Variants in ASIC4 observed in about 807,000 individuals in gnomAD.
ASIC4 encodes the protein acid sensing ion channel subunit family member 4.
Under a neutral mutation model 53.4 loss-of-function variants are expected in ASIC4, and 28 were observed. The ratio of observed to expected loss-of-function variants is 0.52; its 90% CI spans 0.39 to 0.72. ASIC4 has a LOEUF of 0.72. Among genes scored for constraint, ASIC4 ranks in the 30% least tolerant of loss-of-function variants. ASIC4 has a pLI of 0.00. For synonymous variants in ASIC4, 289 were observed against 301.4 expected, an observed-to-expected ratio of 0.96 and a Z score of 0.43; for missense variants, 649 against 729.7, an observed-to-expected ratio of 0.89 and a Z score of 1.27.
intron 1 of ASIC4, among the ~76,000 whole-genome samples, chr2:219,519,094 T>C (rs567257554): frequency 6.6e-6 from 1 of 152,268 alleles, no homozygotes; most frequent in Non-Finnish European, 1.5e-5. Flanking sequence ...TTAGTACAGA[T>C]GGGGTTTCAC....
At chr2:219,535,427 GTGTA>G (rs1695118982) in intron 6 of ASIC4, 103 bp downstream of exon 6, 8 of 1,325,498 alleles carry the variant, frequency 6.0e-6, no homozygotes, top group South Asian at 4.4e-5. Context: ...GAGTGTATGT[GTGTA>G]TGTGTTTGTG....
chr2:219,536,132 C>T lies in ASIC4; in HGVS notation c.1229+808C>T, dbSNP rs1052278572. ...CTCAAGTCACGTTCAGTGTCTCCACCTCCAGGGAAGTGCTTCCAGGTCCAA... is the reference window on the plus strand; with the variant it reads ...CTCAAGTCACGTTCAGTGTCTCCACTTCCAGGGAAGTGCTTCCAGGTCCAA... On this transcript the variant is annotated intron_variant, in intron 6 of 9. Transcript: ENST00000358078. This position sits in a 1 kb window ranked among gnomAD's most constrained non-coding sequence, Gnocchi z 4.6. Among the ~76,000 whole-genome samples the T allele has an allele frequency of 1.3e-5, 2 of 152,240 alleles. No homozygotes were observed. The highest frequency in any genetic ancestry group is 2.9e-5 in the Non-Finnish European group (2 of 68,046).
chr2:219,507,643 G>A, the ASIC4 span, among the ~76,000 whole-genome samples: 1 of 152,152 alleles, frequency 6.6e-6, no homozygotes, highest in Non-Finnish European at 1.5e-5. Flanking sequence ...CATCTCTCAT[G>A]TTTGCCCATG....
intron 1 of ASIC4, among the ~76,000 whole-genome samples, chr2:219,519,157 G>A (rs939692557): frequency 6.6e-6 from 1 of 152,196 alleles, no homozygotes; most frequent in Non-Finnish European, 1.5e-5. Context: ...GCCCGCCTTG[G>A]CCTCCCAAAG....
chr2:219,529,365 G>C (rs1481608179), intron 1 of ASIC4, among the ~76,000 whole-genome samples: 1 of 152,174 alleles, frequency 6.6e-6, no homozygotes, highest in Non-Finnish European at 1.5e-5. Context: ...AGGTGTGTGG[G>C]GGATGTTGAG....
chr2:219,525,551 T>G (rs1694948523), intron 1 of ASIC4, among the ~76,000 whole-genome samples: 1 of 152,248 alleles, frequency 6.6e-6, no homozygotes, highest in Non-Finnish European at 1.5e-5. Flanking sequence ...CTAGGCTTGT[T>G]TCTGCCTTTG....
chr2:219,525,464 T>C (rs1022126097), intron 1 of ASIC4, among the ~76,000 whole-genome samples: 1 of 152,230 alleles, frequency 6.6e-6, no homozygotes, highest in African/African-American at 2.4e-5. Flanking sequence ...GGAGGTGATG[T>C]TGGCCCGTGA....
chr2:219,514,613 GA>G lies in ASIC4; in HGVS notation c.-111del, dbSNP rs1694751141. 1.2e-6 allele frequency: 2 copies of G among 1,606,214 alleles called. No individual in the cohort carries two copies. Among genetic ancestry groups the G allele is most frequent in the Non-Finnish European group, 1.7e-6 (2 of 1,176,498 alleles). On this transcript the variant is annotated 5_prime_UTR_variant, in exon 1 of 10. Transcript: ENST00000358078. ...TCCCTGTCCTCTTCCCGCTTGCCCT[GA>G]GTTTAGAAGAGCAGCCGCTGCCACC...
chr2:219,515,507 A>G (rs1574486237), intron 1 of ASIC4, among the ~76,000 whole-genome samples: 1 of 152,180 alleles, frequency 6.6e-6, no homozygotes, highest in South Asian at 2.1e-4. Flanking sequence ...ATAGGGGCTT[A>G]CCCTGGGGCG....
Position 219,518,733 on chromosome 2 carries a change from ACT to A in ASIC4, c.582+3430_582+3431del, listed in dbSNP as rs1694837935. Among the ~76,000 whole-genome samples, 1 of 151,626 alleles carries A rather than the reference ACT, an allele frequency of 6.6e-6. No individual in the cohort carries two copies. Among genetic ancestry groups the A allele is most frequent in the African/African-American group, 2.4e-5 (1 of 41,214 alleles). On this transcript the variant is annotated intron_variant, in intron 1 of 9. Transcript: ENST00000358078. The surrounding 1 kb of genome is among the most constrained non-coding windows in gnomAD (Gnocchi z 4.8). ...GCCCTCTTACTAAAAGGCAGAAATC[ACT>A]CTTTCTCCCTAGGCTTCATTTCTTG... is the stretch of plus-strand genomic sequence containing the variant.
At position 219,536,498 on chromosome 2, in the gene ASIC4, C is replaced by T. The variant is rs906659648; in HGVS notation, c.1230-568C>T. On this transcript the variant is annotated intron_variant, in intron 6 of 9. Transcript: ENST00000358078. This position sits in a 1 kb window ranked among gnomAD's most constrained non-coding sequence, Gnocchi z 4.6. Reference sequence around the variant, plus strand: ...GTAGGACTGATTCTCAGGCCCCAGTCGGGGAGTGAAGCTGGGGAGGCGTGA... The same window carrying T: ...GTAGGACTGATTCTCAGGCCCCAGTTGGGGAGTGAAGCTGGGGAGGCGTGA... Among the ~76,000 whole-genome samples the T allele has an allele frequency of 1.3e-5, 2 of 151,754 alleles. No individual in the cohort carries two copies. Among genetic ancestry groups the T allele is most frequent in the South Asian group, 2.1e-4 (1 of 4,792 alleles).
chr2:219,508,957 A>G, the ASIC4 span, among the ~76,000 whole-genome samples: 1 of 151,844 alleles, frequency 6.6e-6, no homozygotes, highest in African/African-American at 2.4e-5. Context: ...ACCAAGCTGG[A>G]TAGGGCGACA....
chr2:219,513,289 G>A (rs751511964), upstream of ASIC4, among the ~76,000 whole-genome samples: 3 of 151,792 alleles, frequency 2.0e-5, no homozygotes, highest in African/African-American at 4.8e-5. Flanking sequence ...ACATGCTGTC[G>A]GATGGGGCCC....
chr2:219,511,750 C>T (rs1279932118), upstream of ASIC4, among the ~76,000 whole-genome samples: 1 of 148,750 alleles, frequency 6.7e-6, no homozygotes, highest in Non-Finnish European at 1.5e-5. The surrounding 1 kb of genome is among the most constrained non-coding windows in gnomAD (Gnocchi z 5.3). Flanking sequence ...GGAGCTTGGG[C>T]GCAGGGCCGG....
At chr2:219,514,372 G>A (rs371897118), upstream of ASIC4, 71 of 1,546,284 alleles carry the variant, frequency 4.6e-5, no homozygotes, top group South Asian at 2.9e-4. Context: ...GGGGCTGCGC[G>A]GCGTGGCGGA....
At chr2:219,523,171 T>C (rs1694915069) in intron 1 of ASIC4, among the ~76,000 whole-genome samples, 1 of 152,132 alleles carries the variant, frequency 6.6e-6, no homozygotes, top group African/African-American at 2.4e-5. Context: ...GACGAGGAAC[T>C]TTGCATCGAG....
chr2:219,523,841 G>A (rs1427260408), intron 1 of ASIC4, among the ~76,000 whole-genome samples: 1 of 148,626 alleles, frequency 6.7e-6, no homozygotes, highest in Non-Finnish European at 1.5e-5. Context: ...TTTTTTTTGA[G>A]ACAGGGTCAC....
At chr2:219,527,318 G>C (rs185214477) in intron 1 of ASIC4, among the ~76,000 whole-genome samples, 1 of 152,362 alleles carries the variant, frequency 6.6e-6, no homozygotes, top group Non-Finnish European at 1.5e-5. Context: ...TCCGTTCCCT[G>C]CAGAGTATCC....
In ASIC4 at chr2:219,537,812, C is replaced by T; in HGVS notation, c.1506+76C>T. On this transcript the variant is annotated intron_variant, in intron 9 of 9. Transcript: ENST00000358078. The surrounding 1 kb of genome is among the most constrained non-coding windows in gnomAD (Gnocchi z 4.9). ...CTGAATACATCCATTGTTTCTGAAC[C>T]AGCCTGTGGAGGGGGCCCTGGAGCC... is the stretch of plus-strand genomic sequence containing the variant. The T allele has an allele frequency of 6.5e-7, 1 of 1,530,804 alleles. No individual in the cohort carries two copies. Among genetic ancestry groups the T allele is most frequent in the Non-Finnish European group, 8.9e-7 (1 of 1,123,364 alleles). The allele number at this position is 1,530,804 out of a possible 1,614,324, so 94.8% of individuals were successfully genotyped here.
Sources: gnomAD v4.1 joint callset for allele counts (sites outside exome capture counted in the v4.1 genomes callset) on GRCh38, gnomAD v4.1.1 for gene constraint, Gnocchi (gnomAD v3.1) non-coding constraint, MANE v1.5 for transcripts, NCBI Gene and HGNC (gene_info 2026-07-23, HGNC 2026-07-21) for gene names.